The following KCNQ5 variants were observed in gnomAD, a reference collection of about 807,000 sequenced individuals.
The protein encoded by KCNQ5 is potassium voltage-gated channel subfamily Q member 5.
KCNQ5 carries 30 observed loss-of-function variants against 98.2 expected under a neutral mutation model. That is an observed-to-expected ratio of 0.31 (90% CI 0.23 to 0.41). KCNQ5 has a LOEUF of 0.41. Ranked by LOEUF, KCNQ5 falls within the 10% of genes least tolerant of loss-of-function variation. The pLI is 1.00. For synonymous variants in KCNQ5, 458 were observed against 449.4 expected (o/e 1.02, Z -0.24); for missense variants, 835 against 1,182.5 (o/e 0.71, Z 4.31).
chr6:72,926,899 AT>A (rs201178092), intron 1 of KCNQ5, among the ~76,000 whole-genome samples: 1 of 152,130 alleles, frequency 6.6e-6, no homozygotes, highest in East Asian at 1.9e-4. Context: ...TAATTGAGTG[AT>A]TTTTTTCTCA....
At chr6:72,911,020 G>A (rs1779923300) in intron 1 of KCNQ5, among the ~76,000 whole-genome samples, 2 of 152,176 alleles carry the variant, frequency 1.3e-5, no homozygotes, top group Admixed American at 1.3e-4. Flanking sequence ...GTCAGGCTGT[G>A]AACAGCTCTG....
At chr6:72,775,632 ATTGCGG>A (rs1374218140) in intron 1 of KCNQ5, among the ~76,000 whole-genome samples, 1 of 152,206 alleles carries the variant, frequency 6.6e-6, no homozygotes, top group Admixed American at 6.5e-5. Context: ...CAGCCAGGTG[ATTGCGG>A]TCGACATCAT....
chr6:72,661,251 TG>T (rs1766511223), intron 1 of KCNQ5, among the ~76,000 whole-genome samples: 1 of 152,054 alleles, frequency 6.6e-6, no homozygotes, highest in South Asian at 2.1e-4. Context: ...AATAACACAT[TG>T]AGAATTTACC....
At chr6:72,995,913 T>C (rs1466264418) in intron 1 of KCNQ5, among the ~76,000 whole-genome samples, 1 of 152,218 alleles carries the variant, frequency 6.6e-6, no homozygotes, top group Non-Finnish European at 1.5e-5. Context: ...AGAGTAGTAA[T>C]AGACAAAAAC....
chr6:73,114,780 A>G (rs1291125078), intron 7 of KCNQ5, among the ~76,000 whole-genome samples: 1 of 152,204 alleles, frequency 6.6e-6, no homozygotes, highest in Non-Finnish European at 1.5e-5. Context: ...AGAAACAGAA[A>G]CAGGGAATTA....
chr6:72,631,315 T>C (rs2098920665), intron 1 of KCNQ5, among the ~76,000 whole-genome samples: 1 of 152,116 alleles, frequency 6.6e-6, no homozygotes, highest in African/African-American at 2.4e-5. Flanking sequence ...ACAGGAGTTA[T>C]AATCACGAGG....
At chr6:73,177,981 T>G (rs2150511417) in intron 11 of KCNQ5, among the ~76,000 whole-genome samples, 1 of 152,342 alleles carries the variant, frequency 6.6e-6, no homozygotes, top group South Asian at 2.1e-4. Context: ...TTTCTTTGGC[T>G]ATAATTTAAA....
chr6:72,687,360 T>A (rs556066500), intron 1 of KCNQ5, among the ~76,000 whole-genome samples: 1 of 152,198 alleles, frequency 6.6e-6, no homozygotes, highest in African/African-American at 2.4e-5. Flanking sequence ...GATCATGACC[T>A]ATACTTCTAT....
chr6:73,192,996 A>G (rs891332239), intron 13 of KCNQ5, among the ~76,000 whole-genome samples: 1 of 144,328 alleles, frequency 6.9e-6, no homozygotes, highest in Non-Finnish European at 1.5e-5. Context: ...AGTTGTTTTT[A>G]TTGTTTCTTT....
chr6:72,756,729 A>G (rs73756504), intron 1 of KCNQ5, among the ~76,000 whole-genome samples: 8,450 of 152,040 alleles, frequency 0.056, 773 homozygotes, highest in African/African-American at 0.19. Flanking sequence ...ATTTCTATTT[A>G]TTACATTTTT....
intron 1 of KCNQ5, among the ~76,000 whole-genome samples, chr6:72,642,644 T>G (rs990382123): frequency 4.6e-5 from 7 of 152,148 alleles, no homozygotes; most frequent in Non-Finnish European, 1.0e-4. Flanking sequence ...AAGGGAACTC[T>G]CATAACCTGT....
At chr6:72,896,842 C>T (rs1398184751) in intron 1 of KCNQ5, among the ~76,000 whole-genome samples, 2 of 152,124 alleles carry the variant, frequency 1.3e-5, no homozygotes, top group African/African-American at 4.8e-5. Flanking sequence ...CTCTCAAAAA[C>T]TCATAGAAAA....
intron 1 of KCNQ5, among the ~76,000 whole-genome samples, chr6:72,905,968 T>C (rs896519685): frequency 1.3e-5 from 2 of 152,118 alleles, no homozygotes; most frequent in African/African-American, 4.8e-5. Flanking sequence ...CCCAAAAGTA[T>C]ATACCCTTTG....
intron 11 of KCNQ5, among the ~76,000 whole-genome samples, chr6:73,170,427 C>G (rs1777963959): frequency 1.8e-5 from 1 of 55,678 alleles, no homozygotes; most frequent in Admixed American, 2.4e-4. Flanking sequence ...CCACCACACA[C>G]ACACACACAC....
intron 1 of KCNQ5, among the ~76,000 whole-genome samples, chr6:72,827,562 T>A (rs1207221221): frequency 6.6e-6 from 1 of 152,146 alleles, no homozygotes; most frequent in Non-Finnish European, 1.5e-5. Flanking sequence ...ATTTGACCAT[T>A]TTTTACTCAT....
chr6:73,082,208 T>C (rs1349627042), intron 5 of KCNQ5, among the ~76,000 whole-genome samples: 2 of 152,210 alleles, frequency 1.3e-5, no homozygotes, highest in Admixed American at 6.5e-5. Flanking sequence ...ATCCGCCTTG[T>C]TACCCTGCAG....
intron 1 of KCNQ5, among the ~76,000 whole-genome samples, chr6:72,825,195 C>T (rs1033637189): frequency 1.3e-5 from 2 of 151,738 alleles, no homozygotes; most frequent in African/African-American, 4.8e-5. Flanking sequence ...GCTGTCTTTT[C>T]CCCCTTCACC....
intron 1 of KCNQ5, among the ~76,000 whole-genome samples, chr6:72,939,416 C>T (rs1283274221): frequency 6.6e-6 from 1 of 152,236 alleles, no homozygotes; most frequent in Non-Finnish European, 1.5e-5. Flanking sequence ...GACACCCTTA[C>T]TCTGGGTTTG....
chr6:72,986,832 A>G, intron 1 of KCNQ5: 4 of 1,095,580 alleles, frequency 3.7e-6, no homozygotes, highest in Non-Finnish European at 5.6e-6. Context: ...AAGGGGGCCC[A>G]GGACCCCACA....
Sources: allele counts gnomAD v4.1 joint callset (sites outside exome capture counted in the v4.1 genomes callset), GRCh38; gene constraint gnomAD v4.1.1; transcripts MANE v1.5; gene names NCBI Gene and HGNC (gene_info 2026-07-23, HGNC 2026-07-21).